PDE4B: variants seen among roughly 807,000 people sequenced by gnomAD.
The protein encoded by PDE4B is phosphodiesterase 4B, also known as 3',5'-cyclic-AMP phosphodiesterase 4B.
In PDE4B, 20 loss-of-function variants were observed where a neutral mutation model predicts 82.2. That is an observed-to-expected ratio of 0.24 (90% CI 0.17 to 0.35). The LOEUF is 0.35. Among genes scored for constraint, PDE4B ranks in the 10% least tolerant of loss-of-function variants. PDE4B has a pLI of 1.00. For missense variants in PDE4B, 655 were observed against 907.2 expected, an observed-to-expected ratio of 0.72 and a Z score of 3.57; for synonymous variants, 320 against 318.9, an observed-to-expected ratio of 1.00 and a Z score of -0.04.
intron 7 of PDE4B, among the ~76,000 whole-genome samples, chr1:66,283,516 C>G (rs1277775728): frequency 6.6e-6 from 1 of 151,830 alleles, no homozygotes; most frequent in Non-Finnish European, 1.5e-5. Flanking sequence ...TTCTACTATG[C>G]GCAAAGCCCT....
chr1:65,940,794 G>A (rs192376637), intron 3 of PDE4B, among the ~76,000 whole-genome samples: 4 of 152,056 alleles, frequency 2.6e-5, no homozygotes, highest in African/African-American at 7.2e-5. Context: ...AGTGTTGATG[G>A]CTATAGGAAA....
chr1:66,239,952 G>A (rs1652756354), intron 3 of PDE4B, among the ~76,000 whole-genome samples: 3 of 152,202 alleles, frequency 2.0e-5, no homozygotes, highest in Admixed American at 6.5e-5. Flanking sequence ...AGTACTTGTG[G>A]CATTTCCATC....
At chr1:66,212,693 C>T (rs1650158487) in intron 3 of PDE4B, among the ~76,000 whole-genome samples, 1 of 152,178 alleles carries the variant, frequency 6.6e-6, no homozygotes, top group Admixed American at 6.5e-5. Flanking sequence ...CTGGCCCATA[C>T]TGGACTCTCA....
chr1:66,141,417 G>A (rs951236298), intron 3 of PDE4B, among the ~76,000 whole-genome samples: 5 of 145,542 alleles, frequency 3.4e-5, no homozygotes, highest in Middle Eastern at 3.3e-3. Flanking sequence ...AAAGTTTCCC[G>A]AAGATGACTT....
At position 66,257,583 on chromosome 1, in the gene PDE4B, G is replaced by T; in HGVS notation, c.477-64G>T. 4 of 1,330,446 alleles carry T rather than the reference G, an allele frequency of 3.0e-6. No homozygotes were observed. The South Asian group carries it at 4.7e-5, about 16-fold the overall frequency. 82.4% of individuals were successfully genotyped at this position (1,330,446 alleles called of 1,614,324 possible). A position where few individuals can be genotyped will look rare whatever the true frequency, so the allele number is the denominator to read the frequency against. On this transcript the variant is annotated intron_variant, in intron 4 of 16. Transcript: ENST00000341517. ...AACACTGATAAAATTTAATATTATAGCTTATATGTCACAGTTATAATTCAA... is the reference window on the plus strand; with the variant it reads ...AACACTGATAAAATTTAATATTATATCTTATATGTCACAGTTATAATTCAA...
At chr1:65,828,560 C>T (rs188845858) in intron 1 of PDE4B, among the ~76,000 whole-genome samples, 10 of 151,944 alleles carry the variant, frequency 6.6e-5, no homozygotes, top group Non-Finnish European at 8.8e-5. Context: ...TATTTTTATT[C>T]CTCTAAAGGA....
chr1:65,858,126 T>C (rs1646413762), intron 1 of PDE4B, among the ~76,000 whole-genome samples: 1 of 152,228 alleles, frequency 6.6e-6, no homozygotes, highest in African/African-American at 2.4e-5. Flanking sequence ...TCATTTGTGG[T>C]TTATTTCTGA....
chr1:66,220,341 G>A (rs1309554304), intron 3 of PDE4B, among the ~76,000 whole-genome samples: 2 of 152,114 alleles, frequency 1.3e-5, no homozygotes, highest in African/African-American at 2.4e-5. Flanking sequence ...CCATTAGAGC[G>A]AGAAAACATT....
At chr1:66,096,841 T>C (rs887929032) in intron 3 of PDE4B, among the ~76,000 whole-genome samples, 1 of 151,826 alleles carries the variant, frequency 6.6e-6, no homozygotes, top group African/African-American at 2.4e-5. Flanking sequence ...TCTGTCACTA[T>C]AGTTTTGCCT....
At chr1:65,874,014 G>A (rs1375176265) in intron 1 of PDE4B, among the ~76,000 whole-genome samples, 3 of 151,140 alleles carry the variant, frequency 2.0e-5, no homozygotes, top group Non-Finnish European at 1.5e-5. Flanking sequence ...GGGCAGTATG[G>A]CCATTTTCAC....
intron 4 of PDE4B, among the ~76,000 whole-genome samples, chr1:66,252,261 A>T (rs1653846224): frequency 6.6e-6 from 1 of 152,220 alleles, no homozygotes; most frequent in Non-Finnish European, 1.5e-5. Context: ...CTGTAAATAT[A>T]ACATAAATAT....
chr1:66,102,576 A>T (rs1304609588), intron 3 of PDE4B, among the ~76,000 whole-genome samples: 1 of 152,108 alleles, frequency 6.6e-6, no homozygotes, highest in East Asian at 1.9e-4. Context: ...CTATTCTAAA[A>T]TCCTAACAGA....
chr1:65,947,925 C>T (rs781421122), intron 3 of PDE4B, among the ~76,000 whole-genome samples: 80 of 148,198 alleles, frequency 5.4e-4, no homozygotes, highest in Non-Finnish European at 1.1e-3. Context: ...AATACAGATG[C>T]AATATATATA....
intron 3 of PDE4B, among the ~76,000 whole-genome samples, chr1:66,076,941 A>T (rs1656466507): frequency 6.6e-6 from 1 of 150,786 alleles, no homozygotes; most frequent in Non-Finnish European, 1.5e-5. Flanking sequence ...TAGTTTGCAG[A>T]TACTTTCCCT....
chr1:65,884,680 C>G (rs1272870995), intron 1 of PDE4B, among the ~76,000 whole-genome samples: 1 of 152,122 alleles, frequency 6.6e-6, no homozygotes, highest in Non-Finnish European at 1.5e-5. Context: ...AAACTGGATC[C>G]CTTCCTTACA....
chr1:66,025,040 A>G (rs1479004689), intron 3 of PDE4B, among the ~76,000 whole-genome samples: 2 of 152,076 alleles, frequency 1.3e-5, no homozygotes, highest in Non-Finnish European at 2.9e-5. Flanking sequence ...ATAACCCACA[A>G]GTATGATTTA....
At chr1:65,823,270 T>A (rs1256039711) in intron 1 of PDE4B, among the ~76,000 whole-genome samples, 1 of 151,504 alleles carries the variant, frequency 6.6e-6, no homozygotes, top group Non-Finnish European at 1.5e-5. Flanking sequence ...GTGGTGTGTG[T>A]CTGTAATCCC....
chr1:65,834,491 C>T (rs921686777), intron 1 of PDE4B, among the ~76,000 whole-genome samples: 1 of 152,102 alleles, frequency 6.6e-6, no homozygotes, highest in East Asian at 1.9e-4. Flanking sequence ...AGGTTCACGT[C>T]TATATGCAAT....
intron 1 of PDE4B, among the ~76,000 whole-genome samples, chr1:65,841,855 C>T (rs1646211307): frequency 6.6e-6 from 1 of 152,074 alleles, no homozygotes; most frequent in East Asian, 1.9e-4. Context: ...GGATTGTTGT[C>T]TGTTTTCTAC....
Sources: allele counts gnomAD v4.1 joint callset (sites outside exome capture counted in the v4.1 genomes callset), GRCh38; gene constraint gnomAD v4.1.1; transcripts MANE v1.5; gene names NCBI Gene and HGNC (gene_info 2026-07-23, HGNC 2026-07-21).